LYPLAL1: variants seen among roughly 807,000 people sequenced by gnomAD.
The protein encoded by LYPLAL1 is lysophospholipase like 1.
In LYPLAL1, 23 loss-of-function variants were observed where a neutral mutation model predicts 19.7. The observed-to-expected ratio is 1.17, with a 90% CI of 0.84 to 1.65. The LOEUF (loss-of-function observed/expected upper bound fraction) is 1.65, where lower values mean the gene tolerates loss of function less well. Ranked by LOEUF, LYPLAL1 falls within the 40% of genes most tolerant of loss-of-function variation. The probability of loss-of-function intolerance (pLI) is 0.00; values close to 1 mark genes in which losing one functional copy is unlikely to be tolerated. For synonymous variants in LYPLAL1, 119 were observed against 96.3 expected, an observed-to-expected ratio of 1.24 and a Z score of -1.38; for missense variants, 355 against 279.4, an observed-to-expected ratio of 1.27 and a Z score of -1.93.
chr1:219,344,647 G>A, the LYPLAL1 span, among the ~76,000 whole-genome samples: 48 of 152,142 alleles, frequency 3.2e-4, no homozygotes, highest in African/African-American at 1.2e-3. Context: ...AGCTCTATAT[G>A]TCTGGGACCT....
the LYPLAL1 span, among the ~76,000 whole-genome samples, chr1:219,337,659 G>A: frequency 6.6e-6 from 1 of 151,966 alleles, no homozygotes; most frequent in Non-Finnish European, 1.5e-5. Context: ...ATTACTAAAA[G>A]TGGGGTGAAG....
intron 2 of LYPLAL1, among the ~76,000 whole-genome samples, chr1:219,185,025 A>G (rs1656615161): frequency 6.6e-6 from 1 of 151,954 alleles, no homozygotes; most frequent in South Asian, 2.1e-4. Flanking sequence ...TATTGAAATT[A>G]CCTGGACCTG....
At chr1:219,183,774 A>C (rs1273250852) in intron 2 of LYPLAL1, among the ~76,000 whole-genome samples, 1 of 151,944 alleles carries the variant, frequency 6.6e-6, no homozygotes, top group African/African-American at 2.4e-5. Flanking sequence ...TTCAATTTTT[A>C]AAATTCTAAG....
At chr1:219,254,334 GTTA>G in the LYPLAL1 span, among the ~76,000 whole-genome samples, 4 of 151,904 alleles carry the variant, frequency 2.6e-5, no homozygotes, top group Non-Finnish European at 4.4e-5. Flanking sequence ...CTGTTAGCTG[GTTA>G]TTATGTTAAC....
At chr1:219,412,610 C>A in the LYPLAL1 span, among the ~76,000 whole-genome samples, 16 of 152,250 alleles carry the variant, frequency 1.1e-4, no homozygotes, top group African/African-American at 3.9e-4. Context: ...GAAGGTGCCT[C>A]AAAATGTCTT....
chr1:219,439,992 C>CGTATATATATATAT, the LYPLAL1 span, among the ~76,000 whole-genome samples: 921 of 32,380 alleles, frequency 0.028, 18 homozygotes, highest in African/African-American at 0.082. Context: ...TATATATATA[C>CGTATATATATATAT]ACACATATAT....
intron 3 of LYPLAL1, among the ~76,000 whole-genome samples, chr1:219,202,446 C>G (rs1408579781): frequency 1.3e-5 from 2 of 152,138 alleles, no homozygotes; most frequent in Non-Finnish European, 2.9e-5. Flanking sequence ...TTCCCTCTTT[C>G]TTTTTCATTG....
the LYPLAL1 span, among the ~76,000 whole-genome samples, chr1:219,342,657 T>A: frequency 6.6e-6 from 1 of 152,124 alleles, no homozygotes; most frequent in East Asian, 1.9e-4. Flanking sequence ...TTTAAAAAAA[T>A]TCCTCTTTGA....
chr1:219,280,673 C>T, the LYPLAL1 span, among the ~76,000 whole-genome samples: 2 of 152,144 alleles, frequency 1.3e-5, no homozygotes, highest in Admixed American at 1.3e-4. Context: ...CTCTCATATG[C>T]ATTGATTTTT....
the LYPLAL1 span, among the ~76,000 whole-genome samples, chr1:219,263,074 A>G: frequency 6.6e-6 from 1 of 152,160 alleles, no homozygotes; most frequent in African/African-American, 2.4e-5. Context: ...GGGCAGGGCC[A>G]TAAAGCTCCC....
chr1:219,320,246 G>T, the LYPLAL1 span, among the ~76,000 whole-genome samples: 2 of 151,652 alleles, frequency 1.3e-5, no homozygotes, highest in African/African-American at 4.8e-5. Context: ...AATCTATACT[G>T]GTCCTGCCTT....
chr1:219,266,115 C>G, the LYPLAL1 span, among the ~76,000 whole-genome samples: 4 of 152,120 alleles, frequency 2.6e-5, no homozygotes, highest in Non-Finnish European at 4.4e-5. Context: ...ACTTTGCTAA[C>G]TGTAGCTTTT....
In LYPLAL1 at chr1:219,212,531, A is replaced by G. The variant is rs1659122279; in HGVS notation, c.*803A>G. ...CTGAAAAATTGTATTACTTCAATGA[A>G]AATACTATAAATAATAACATTTTCA... On this transcript the variant is annotated 3_prime_UTR_variant, in exon 5 of 5. Transcript: ENST00000366928. The G allele has an allele frequency of 6.6e-6, 1 of 152,056 alleles. No individual in the cohort carries two copies. Among genetic ancestry groups the G allele is most frequent in the Non-Finnish European group, 1.5e-5 (1 of 67,950 alleles). 9.4% of individuals were successfully genotyped at this position (152,056 alleles called of 1,614,324 possible).
At chr1:219,372,601 T>A in the LYPLAL1 span, among the ~76,000 whole-genome samples, 1 of 152,094 alleles carries the variant, frequency 6.6e-6, no homozygotes, top group South Asian at 2.1e-4. Flanking sequence ...CCTGAAAATA[T>A]AAAATGATAA....
At chr1:219,396,993 GT>G in the LYPLAL1 span, among the ~76,000 whole-genome samples, 3 of 152,160 alleles carry the variant, frequency 2.0e-5, no homozygotes, top group Admixed American at 1.3e-4. Flanking sequence ...TCTTGTGCCT[GT>G]TTTCAAAGGG....
At chr1:219,317,977 A>C in the LYPLAL1 span, among the ~76,000 whole-genome samples, 1 of 152,202 alleles carries the variant, frequency 6.6e-6, no homozygotes, top group Non-Finnish European at 1.5e-5. Context: ...CAAAAGCAAT[A>C]GCAGACTGAT....
chr1:219,194,424 C>T (rs77017489), intron 3 of LYPLAL1, among the ~76,000 whole-genome samples: 2,473 of 151,988 alleles, frequency 0.016, 19 homozygotes, highest in Non-Finnish European at 0.023. Context: ...TTTAAGTCCC[C>T]ACTATGTGCT....
Position 219,211,946 on chromosome 1 carries a change from T to C in LYPLAL1, c.*218T>C. 5.4e-6 allele frequency: 2 copies of C among 370,556 alleles called. No homozygotes were observed. The highest frequency in any genetic ancestry group is 4.8e-6 in the Non-Finnish European group (1 of 208,132). The allele number at this position is 370,556 out of a possible 1,614,324, so 23.0% of individuals were successfully genotyped here. ...TTTTCAGACACAATTCTGTAAATAT[T>C]TGGAAACCTTTTAAGTATTTAAACT... On this transcript the variant is annotated 3_prime_UTR_variant, in exon 5 of 5. Coordinates refer to ENST00000366928, the MANE Select transcript of LYPLAL1 (RefSeq NM_138794.5).
At chr1:219,353,762 G>C in the LYPLAL1 span, among the ~76,000 whole-genome samples, 13 of 152,148 alleles carry the variant, frequency 8.5e-5, no homozygotes, top group South Asian at 2.7e-3. Context: ...TTCTAGATGC[G>C]AAGAAACAGG....
Sources: allele counts gnomAD v4.1 joint callset (sites outside exome capture counted in the v4.1 genomes callset), GRCh38; gene constraint gnomAD v4.1.1; transcripts MANE v1.5; gene names NCBI Gene and HGNC (gene_info 2026-07-23, HGNC 2026-07-21).